The following KCNK2 variants were observed in gnomAD, a reference collection of about 807,000 sequenced individuals.
KCNK2 encodes potassium two pore domain channel subfamily K member 2.
In KCNK2, 21 loss-of-function variants were observed where a neutral mutation model predicts 40.5. The ratio of observed to expected loss-of-function variants is 0.52; its 90% CI spans 0.37 to 0.75. The LOEUF (loss-of-function observed/expected upper bound fraction) is 0.75. Among genes scored for constraint, KCNK2 ranks in the 30% least tolerant of loss-of-function variants. KCNK2 has a pLI of 0.00. For synonymous variants in KCNK2, 191 were observed against 202.2 expected, an observed-to-expected ratio of 0.94 and a Z score of 0.47; for missense variants, 399 against 531.6, an observed-to-expected ratio of 0.75 and a Z score of 2.45.
chr1:215,071,689 C>A (rs1286375465), intron 1 of KCNK2, among the ~76,000 whole-genome samples: 1 of 152,140 alleles, frequency 6.6e-6, no homozygotes, highest in African/African-American at 2.4e-5. Flanking sequence ...GAAGAATCTG[C>A]AGAAGGCATA....
chr1:215,060,426 A>G (rs1349225959), intron 1 of KCNK2, among the ~76,000 whole-genome samples: 1 of 152,180 alleles, frequency 6.6e-6, no homozygotes, highest in African/African-American at 2.4e-5. Context: ...CTGTCTTTGA[A>G]AGGATCAAAA....
chr1:215,018,512 A>G (rs1039976275), intron 1 of KCNK2, among the ~76,000 whole-genome samples: 4 of 152,222 alleles, frequency 2.6e-5, no homozygotes, highest in African/African-American at 4.8e-5. Context: ...TGAGTTCATG[A>G]TGATAAGAAA....
intron 2 of KCNK2, among the ~76,000 whole-genome samples, chr1:215,090,410 A>C (rs1659642986): frequency 1.3e-5 from 2 of 152,336 alleles, no homozygotes; most frequent in South Asian, 4.1e-4. Flanking sequence ...AAATAATTTA[A>C]TAAATATTTG....
chr1:215,092,377 A>G (rs746340938), intron 2 of KCNK2, among the ~76,000 whole-genome samples: 1 of 152,144 alleles, frequency 6.6e-6, no homozygotes, highest in Non-Finnish European at 1.5e-5. Flanking sequence ...TGGACATTGC[A>G]CTAATTGTGT....
rs146615225 is a variant in KCNK2, at chr1:215,133,361, T to A, written c.475+8611T>A. ...ATGCCCTGAATAAATACAGAACCTA[T>A]TTTTTCTTGTCATTCCCCCTTCCTA... On this transcript the variant is annotated intron_variant, in intron 3 of 6. Coordinates refer to ENST00000444842, the MANE Select transcript of KCNK2 (RefSeq NM_001017425.3). Among the ~76,000 whole-genome samples the A allele has an allele frequency of 3.1e-3, 470 of 152,316 alleles. 5 individuals are homozygous for A. The highest frequency in any genetic ancestry group is 0.011 in the African/African-American group (453 of 41,568).
intron 1 of KCNK2, among the ~76,000 whole-genome samples, chr1:215,021,716 T>C (rs1282300983): frequency 6.6e-6 from 1 of 151,866 alleles, no homozygotes; most frequent in Non-Finnish European, 1.5e-5. Context: ...TGGCTAATTC[T>C]TTTTTGTATT....
At chr1:215,046,098 A>G (rs999645272) in intron 1 of KCNK2, among the ~76,000 whole-genome samples, 90 of 152,314 alleles carry the variant, frequency 5.9e-4, no homozygotes, top group African/African-American at 2.2e-3. Context: ...ACACATATTT[A>G]GATTTTAAGC....
At chr1:215,062,916 C>A (rs1658407264) in intron 1 of KCNK2, among the ~76,000 whole-genome samples, 1 of 151,958 alleles carries the variant, frequency 6.6e-6, no homozygotes, top group Admixed American at 6.6e-5. Context: ...GGAGAATGAA[C>A]ACACCAGAAA....
chr1:215,224,888 A>G (rs1261020201), intron 6 of KCNK2, among the ~76,000 whole-genome samples: 1 of 152,144 alleles, frequency 6.6e-6, no homozygotes, highest in Non-Finnish European at 1.5e-5. Flanking sequence ...TGATATCTGA[A>G]TCAGAGAAAT....
chr1:215,068,865 G>T (rs1658650404), intron 1 of KCNK2, among the ~76,000 whole-genome samples: 1 of 151,956 alleles, frequency 6.6e-6, no homozygotes, highest in East Asian at 1.9e-4. Flanking sequence ...TTCACACTTT[G>T]ATCCCCTTAG....
intron 3 of KCNK2, among the ~76,000 whole-genome samples, chr1:215,125,081 A>AT (rs1334867108): frequency 1.3e-5 from 2 of 152,058 alleles, no homozygotes; most frequent in Admixed American, 6.6e-5. Context: ...AATTTTTGAT[A>AT]TTTTTTGTGT....
At chr1:215,061,012 A>G (rs933636275) in intron 1 of KCNK2, among the ~76,000 whole-genome samples, 2 of 152,162 alleles carry the variant, frequency 1.3e-5, no homozygotes, top group South Asian at 2.1e-4. Flanking sequence ...TACCTTCAAA[A>G]ATAGTATTTA....
intron 2 of KCNK2, among the ~76,000 whole-genome samples, chr1:215,110,406 G>A (rs1660629313): frequency 6.6e-6 from 1 of 151,836 alleles, no homozygotes. Flanking sequence ...GTAAGCTAAG[G>A]GTCCAGTTTC....
chr1:215,197,641 C>A (rs926270792), intron 6 of KCNK2, among the ~76,000 whole-genome samples: 1 of 152,088 alleles, frequency 6.6e-6, no homozygotes, highest in Non-Finnish European at 1.5e-5. Context: ...TTTGGGGAGA[C>A]ACAAATCAGG....
intron 2 of KCNK2, among the ~76,000 whole-genome samples, chr1:215,115,326 GA>G (rs149508392): frequency 6.6e-6 from 1 of 151,872 alleles, no homozygotes; most frequent in African/African-American, 2.4e-5. Flanking sequence ...CATTATATTG[GA>G]AAAAAACGAG....
intron 6 of KCNK2, among the ~76,000 whole-genome samples, chr1:215,227,516 C>T (rs1199971843): frequency 1.3e-5 from 2 of 152,160 alleles, no homozygotes; most frequent in Non-Finnish European, 2.9e-5. Flanking sequence ...GAGGCTGAAA[C>T]AGCAGGTAAG....
intron 1 of KCNK2, among the ~76,000 whole-genome samples, chr1:215,024,771 A>C (rs1241399292): frequency 6.6e-6 from 1 of 152,156 alleles, no homozygotes; most frequent in Non-Finnish European, 1.5e-5. Context: ...GGTACTTATC[A>C]AACATGTTTT....
At chr1:215,011,454 G>A (rs1558055744) in intron 1 of KCNK2, among the ~76,000 whole-genome samples, 3 of 151,354 alleles carry the variant, frequency 2.0e-5, no homozygotes, top group East Asian at 3.9e-4. Context: ...CCACCACATC[G>A]GCTAAATTTT....
intron 6 of KCNK2, among the ~76,000 whole-genome samples, chr1:215,199,557 G>A (rs1465181889): frequency 1.3e-5 from 2 of 152,076 alleles, no homozygotes; most frequent in East Asian, 1.9e-4. Context: ...AGTTTTCCAT[G>A]GAAACATATG....
Sources: allele counts gnomAD v4.1 joint callset (sites outside exome capture counted in the v4.1 genomes callset), GRCh38; gene constraint gnomAD v4.1.1; transcripts MANE v1.5; gene names NCBI Gene and HGNC (gene_info 2026-07-23, HGNC 2026-07-21).